Variants in LPP observed in about 807,000 individuals in gnomAD.
LPP encodes the protein LIM domain containing preferred translocation partner in lipoma, also known as lipoma-preferred partner.
Under a neutral mutation model 60.4 loss-of-function variants are expected in LPP, and 38 were observed. The ratio of observed to expected loss-of-function variants is 0.63; its 90% CI spans 0.49 to 0.83. The LOEUF is 0.83. LPP is among the 40% of genes least tolerant of loss of function. LPP has a pLI of 0.00. For synonymous variants in LPP, 328 were observed against 290.8 expected (o/e 1.13, Z -1.30); for missense variants, 902 against 783.6 (o/e 1.15, Z -1.80).
chr3:188,851,929 G>A (rs1762771220), intron 9 of LPP, among the ~76,000 whole-genome samples: 1 of 152,170 alleles, frequency 6.6e-6, no homozygotes, highest in South Asian at 2.1e-4. Flanking sequence ...CTGGGAGGCT[G>A]AGGCAGGCAG....
chr3:188,380,471 G>C (rs13327510), intron 3 of LPP, among the ~76,000 whole-genome samples: 4,222 of 152,266 alleles, frequency 0.028, 73 homozygotes, highest in Middle Eastern at 0.054. Context: ...TGGACTCATG[G>C]CCTTGAGTAT....
intron 10 of LPP, among the ~76,000 whole-genome samples, chr3:188,871,255 C>T (rs1768017257): frequency 6.6e-6 from 1 of 152,186 alleles, no homozygotes; most frequent in African/African-American, 2.4e-5. Context: ...CAGAAGCCTA[C>T]TTATTTCACC....
chr3:188,676,189 T>G (rs1444729678), intron 7 of LPP, among the ~76,000 whole-genome samples: 9 of 152,248 alleles, frequency 5.9e-5, no homozygotes. Flanking sequence ...ATTAGATTTG[T>G]GTATTCATGG....
intron 1 of LPP, among the ~76,000 whole-genome samples, chr3:188,197,992 G>A (rs1437818901): frequency 4.6e-5 from 7 of 152,156 alleles, no homozygotes; most frequent in Admixed American, 3.9e-4. Flanking sequence ...TACATAATTC[G>A]AGTCTCAGTT....
intron 6 of LPP, among the ~76,000 whole-genome samples, chr3:188,543,618 G>A (rs375836087): frequency 3.4e-4 from 51 of 152,220 alleles, no homozygotes; most frequent in African/African-American, 1.2e-3. Context: ...TCAGTTATTT[G>A]TCATGGGAGC....
chr3:188,603,654 G>T (rs1841877321), intron 6 of LPP, among the ~76,000 whole-genome samples: 2 of 152,058 alleles, frequency 1.3e-5, no homozygotes, highest in African/African-American at 2.4e-5. Flanking sequence ...CACATTTTTG[G>T]GGTTACCAAT....
chr3:188,229,471 G>A (rs1322894949), intron 2 of LPP, among the ~76,000 whole-genome samples: 1 of 152,240 alleles, frequency 6.6e-6, no homozygotes, highest in Non-Finnish European at 1.5e-5. Flanking sequence ...ACTTCCGTCA[G>A]AGGTGAATGT....
intron 9 of LPP, among the ~76,000 whole-genome samples, chr3:188,796,906 C>G (rs1313614988): frequency 1.3e-5 from 2 of 152,122 alleles, no homozygotes; most frequent in Non-Finnish European, 2.9e-5. Context: ...TCAAAATATC[C>G]TTCTGATTGA....
chr3:188,391,656 A>G (rs1205776185), intron 3 of LPP, among the ~76,000 whole-genome samples: 1 of 152,114 alleles, frequency 6.6e-6, no homozygotes, highest in Non-Finnish European at 1.5e-5. Flanking sequence ...ATTTTCTACA[A>G]TCAAGCAAGA....
At chr3:188,712,683 T>G (rs1712058984) in intron 8 of LPP, 1 of 152,244 alleles carries the variant, frequency 6.6e-6, no homozygotes, top group African/African-American at 2.4e-5. Context: ...CACCTACTCT[T>G]TCTTTACTAC....
chr3:188,584,432 G>A (rs1368504315), intron 6 of LPP: 1 of 152,126 alleles, frequency 6.6e-6, no homozygotes. Flanking sequence ...AACTGACAAA[G>A]AAGGTTCTCT....
chr3:188,659,248 A>T (rs1233055045), intron 7 of LPP, among the ~76,000 whole-genome samples: 1 of 152,242 alleles, frequency 6.6e-6, no homozygotes, highest in East Asian at 1.9e-4. Context: ...ACAGGTGAAT[A>T]GAATGTTATA....
At chr3:188,328,247 G>C (rs1758999574) in intron 2 of LPP, among the ~76,000 whole-genome samples, 1 of 152,062 alleles carries the variant, frequency 6.6e-6, no homozygotes, top group African/African-American at 2.4e-5. Flanking sequence ...AAATCCATTG[G>C]TCAAATTTTC....
intron 7 of LPP, among the ~76,000 whole-genome samples, chr3:188,658,238 G>A (rs1853793340): frequency 1.3e-5 from 2 of 151,912 alleles, no homozygotes; most frequent in Middle Eastern, 3.4e-3. Context: ...CTGCCTCCCA[G>A]GTTCAAGCAA....
Position 188,579,826 on chromosome 3 carries a change from C to T in LPP, c.430-29335C>T, listed in dbSNP as rs555253440. On this transcript the variant is annotated intron_variant, in intron 6 of 11. Transcript: ENST00000617246. ...AGTTTTTTAAATAGCCAGGATTAGC[C>T]AGGCATGATGGCATGCACTTGTTGT... Among the ~76,000 whole-genome samples the T allele has an allele frequency of 3.6e-5, 5 of 139,850 alleles. No individual in the cohort carries two copies. In the East Asian group the frequency reaches 6.3e-4, roughly 18 times the overall value. The allele number at this position is 139,850 out of a possible 152,430, so 91.7% of individuals were successfully genotyped here.
chr3:188,400,229 T>C (rs1781921470), intron 3 of LPP, among the ~76,000 whole-genome samples: 1 of 152,172 alleles, frequency 6.6e-6, no homozygotes, highest in Non-Finnish European at 1.5e-5. Flanking sequence ...TCCTTTGAAT[T>C]GTGGTGTTTT....
intron 4 of LPP, among the ~76,000 whole-genome samples, chr3:188,479,828 C>A (rs939805288): frequency 6.6e-6 from 1 of 152,080 alleles, no homozygotes; most frequent in African/African-American, 2.4e-5. Flanking sequence ...CTTTTTGTAC[C>A]ACAGTAAATG....
intron 9 of LPP, among the ~76,000 whole-genome samples, chr3:188,827,693 G>T (rs1401582795): frequency 1.3e-5 from 2 of 152,074 alleles, no homozygotes; most frequent in African/African-American, 4.8e-5. Flanking sequence ...GCCAAATGGT[G>T]GGGGCAGGGG....
intron 2 of LPP, among the ~76,000 whole-genome samples, chr3:188,258,673 G>A (rs897706080): frequency 2.6e-5 from 4 of 152,226 alleles, no homozygotes; most frequent in Non-Finnish European, 5.9e-5. Flanking sequence ...TGGGGTTCTC[G>A]CTATTAGCGC....
Sources: gnomAD v4.1 joint callset for allele counts (sites outside exome capture counted in the v4.1 genomes callset) on GRCh38, gnomAD v4.1.1 for gene constraint, MANE v1.5 for transcripts, NCBI Gene and HGNC (gene_info 2026-07-23, HGNC 2026-07-21) for gene names.